DHX8: variants seen among roughly 807,000 people sequenced by gnomAD.
DHX8 encodes the protein ATP-dependent RNA helicase DHX8.
Under a neutral mutation model 140.7 loss-of-function variants are expected in DHX8, and 67 were observed. The observed-to-expected ratio is 0.48, with a 90% CI of 0.39 to 0.58. The LOEUF is 0.58. Among genes scored for constraint, DHX8 ranks in the 20% least tolerant of loss-of-function variants. DHX8 has a pLI of 0.00. For missense variants in DHX8, 887 were observed against 1,550.7 expected (o/e 0.57, Z 7.19); for synonymous variants, 533 against 553.2 (o/e 0.96, Z 0.51).
intron 3 of DHX8, 70 bp downstream of exon 3, chr17:43,490,533 T>C: frequency 1.1e-5 from 14 of 1,310,964 alleles, no homozygotes; most frequent in Non-Finnish European, 1.5e-5. Context: ...TAAATTGCAT[T>C]TGTTTTCCTC....
intron 22 of DHX8, among the ~76,000 whole-genome samples, chr17:43,523,011 T>C (rs910456328): frequency 7.2e-6 from 1 of 139,384 alleles, no homozygotes; most frequent in Non-Finnish European, 1.5e-5. Context: ...TGCAGTGAGC[T>C]GAGATTGTGC....
intron 1 of DHX8, among the ~76,000 whole-genome samples, chr17:43,485,186 T>A (rs1305079809): frequency 6.6e-6 from 1 of 152,082 alleles, no homozygotes; most frequent in South Asian, 2.1e-4. Flanking sequence ...CAGATTCAGA[T>A]GAGTTTAGAG....
At chr17:43,529,241 G>C, downstream of DHX8, 1 of 1,613,922 alleles carries the variant, frequency 6.2e-7, no homozygotes, top group South Asian at 1.1e-5. Flanking sequence ...GGCGACCTGG[G>C]AACAAAACAG....
At chr17:43,533,203 A>G (rs749068901) in intron 2 of DHX8, 3 of 1,613,900 alleles carry the variant, frequency 1.9e-6, no homozygotes, top group Non-Finnish European at 2.5e-6. Context: ...TCCCCGAGGT[A>G]CCCATGGCCA....
intron 2 of DHX8, among the ~76,000 whole-genome samples, chr17:43,535,748 A>G (rs1971207570): frequency 1.3e-5 from 2 of 152,180 alleles, no homozygotes; most frequent in Admixed American, 1.3e-4. Flanking sequence ...ACAACCAAAA[A>G]TGTCTACAGA....
intron 3 of DHX8, 90 bp downstream of exon 3, chr17:43,490,553 G>C (rs748674394): frequency 5.9e-4 from 641 of 1,081,650 alleles, no homozygotes; most frequent in Non-Finnish European, 8.0e-4. Flanking sequence ...CTCAGCAGTT[G>C]CTGAGCAAGT....
Position 43,508,343 on chromosome 17 carries a change from T to TA in DHX8, c.2326dup (p.Ile776AsnfsTer12). 1 of 1,612,048 alleles carries TA rather than the reference T, an allele frequency of 6.2e-7. No homozygotes were observed. Among genetic ancestry groups the TA allele is most frequent in the Non-Finnish European group, 8.5e-7 (1 of 1,178,734 alleles). On this transcript the variant is annotated frameshift_variant, in exon 16 of 23. Transcript: ENST00000262415. LOFTEE classifies it high-confidence loss of function. Reference sequence around the variant, plus strand: ...AATGTTCTATTCTGCTCGTAGGTGATATCCTGGTCTTCCTGACTGGTCAGG... The same window carrying TA: ...AATGTTCTATTCTGCTCGTAGGTGATAATCCTGGTCTTCCTGACTGGTCAGG...
chr17:43,529,442 G>C (rs920410102), downstream of DHX8: 4 of 1,551,662 alleles, frequency 2.6e-6, no homozygotes, highest in African/African-American at 4.1e-5. Context: ...CATTTCCCAG[G>C]TTCTCCCACC....
chr17:43,489,376 T>G, intron 1 of DHX8, 73 bp from the exon 2 acceptor site: 1 of 1,046,460 alleles, frequency 9.6e-7, no homozygotes, highest in Non-Finnish European at 1.5e-6. Context: ...CTAATTAGTT[T>G]TGTTTTCACC....
At chr17:43,526,449 C>T, downstream of DHX8, 2 of 1,534,508 alleles carry the variant, frequency 1.3e-6, no homozygotes, top group South Asian at 1.2e-5. Context: ...TCCAGGTTTA[C>T]TTCATCCCGC....
chr17:43,524,444 C>T lies in DHX8; in HGVS notation c.*597C>T. The T allele has an allele frequency of 1.0e-5, 10 of 988,168 alleles. No homozygotes were observed. The highest frequency in any genetic ancestry group is 9.3e-5 in the South Asian group (2 of 21,470). 61.2% of individuals were successfully genotyped at this position (988,168 alleles called of 1,614,324 possible). On this transcript the variant is annotated 3_prime_UTR_variant, in exon 23 of 23. Transcript: ENST00000262415. ...TGAGAATCCCCTGAATCCCCTGAAA[C>T]CAGAACGCAGGGCCTCTTTGCGCTC...
chr17:43,533,070 C>G, intron 2 of DHX8: 1 of 1,500,036 alleles, frequency 6.7e-7, no homozygotes, highest in Non-Finnish European at 9.0e-7. Flanking sequence ...GTATTTCTCC[C>G]TTTCTATTCC....
At chr17:43,543,289 C>G (rs1351646307) in intron 3 of DHX8, among the ~76,000 whole-genome samples, 3 of 150,830 alleles carry the variant, frequency 2.0e-5, no homozygotes, top group African/African-American at 7.4e-5. Flanking sequence ...CTCTCTCTCT[C>G]TCTCTCTCAC....
At chr17:43,515,199 T>C (rs981439643) in intron 17 of DHX8, among the ~76,000 whole-genome samples, 10 of 152,262 alleles carry the variant, frequency 6.6e-5, no homozygotes, top group African/African-American at 2.4e-4. Context: ...TGTTTTGTTT[T>C]GTTTTTTGAG....
In DHX8 at chr17:43,489,528, A is replaced by T; in HGVS notation, c.228A>T (p.Glu76Asp). 1 of 1,591,984 alleles carries T rather than the reference A, an allele frequency of 6.3e-7. No individual in the cohort carries two copies. The highest frequency in any genetic ancestry group is 8.6e-7 in the Non-Finnish European group (1 of 1,163,100). Residue 76 changes from glutamate to aspartate, a missense_variant, in exon 2 of 23, where the codon GAA (glutamate) becomes GAT (aspartate). Transcript: ENST00000262415. ...CTTCTCTCGTCAAAAATGGTGCAGA[A>T]TTTACGGTATGTATATGTGGAGAAG... The part of the protein sequence containing the change: ...FKASLVKNGA[E>D]FTDSLISNLL...
intron 1 of DHX8, among the ~76,000 whole-genome samples, chr17:43,487,058 A>G (rs1024087700): frequency 9.2e-5 from 14 of 152,052 alleles, no homozygotes; most frequent in African/African-American, 3.4e-4. Context: ...AGCTCCCCCC[A>G]GTTATTATTG....
chr17:43,522,352 C>A, intron 22 of DHX8, 126 bp downstream of exon 22: 1 of 930,862 alleles, frequency 1.1e-6, no homozygotes, highest in Non-Finnish European at 1.6e-6. Context: ...GCTTGCCTTT[C>A]TAGAGCAGCA....
intron 22 of DHX8, among the ~76,000 whole-genome samples, chr17:43,522,905 A>G (rs1262102401): frequency 6.6e-6 from 1 of 151,386 alleles, no homozygotes; most frequent in Non-Finnish European, 1.5e-5. Context: ...CTCTACTAAA[A>G]ATACAAAGTT....
At chr17:43,520,714 A>G in intron 19 of DHX8, 37 bp from the exon 20 acceptor site, 2 of 1,613,450 alleles carry the variant, frequency 1.2e-6, no homozygotes, top group Non-Finnish European at 1.7e-6. Context: ...TGTGTCTTCC[A>G]CAGGGAAGCA....
Sources: allele counts gnomAD v4.1 joint callset (sites outside exome capture counted in the v4.1 genomes callset), GRCh38; gene constraint gnomAD v4.1.1; transcripts MANE v1.5; gene names NCBI Gene and HGNC (gene_info 2026-07-23, HGNC 2026-07-21).